The following MIS18A variants were observed in gnomAD, a reference collection of about 807,000 sequenced individuals.
MIS18A encodes protein Mis18-alpha.
MIS18A carries 14 observed loss-of-function variants against 25.0 expected under a neutral mutation model. The observed-to-expected ratio is 0.56, with a 90% CI of 0.37 to 0.88. The LOEUF (loss-of-function observed/expected upper bound fraction) is 0.88, where lower values mean the gene tolerates loss of function less well. Among genes scored for constraint, MIS18A ranks in the 40% least tolerant of loss-of-function variants. The probability of loss-of-function intolerance (pLI) is 0.00; values close to 1 mark genes in which losing one functional copy is unlikely to be tolerated. For missense variants in MIS18A, 292 were observed against 290.8 expected (o/e 1.00, Z -0.03); for synonymous variants, 134 against 118.6 (o/e 1.13, Z -0.84).
chr21:32,227,677 G>A, the MIS18A span, among the ~76,000 whole-genome samples: 2 of 152,158 alleles, frequency 1.3e-5, no homozygotes, highest in Admixed American at 6.5e-5. Context: ...AAAAATAGAA[G>A]AGGGAGAACG....
At chr21:32,217,613 T>C in the MIS18A span, among the ~76,000 whole-genome samples, 1 of 152,212 alleles carries the variant, frequency 6.6e-6, no homozygotes, top group African/African-American at 2.4e-5. Context: ...CACATCCAAC[T>C]AGCTCAACAA....
At chr21:32,176,002 C>T in the MIS18A span, among the ~76,000 whole-genome samples, 2 of 152,030 alleles carry the variant, frequency 1.3e-5, no homozygotes, top group Non-Finnish European at 2.9e-5. Flanking sequence ...CACAGTCTTC[C>T]GCCTCCACAT....
intron 4 of MIS18A, 116 bp downstream of exon 4, chr21:32,269,590 GC>G: frequency 1.6e-6 from 1 of 620,164 alleles, no homozygotes; most frequent in Middle Eastern, 4.5e-4. Flanking sequence ...AATGAAATAA[GC>G]ACACTCTTCC....
chr21:32,190,546 A>G, the MIS18A span, among the ~76,000 whole-genome samples: 1 of 152,124 alleles, frequency 6.6e-6, no homozygotes, highest in African/African-American at 2.4e-5. Flanking sequence ...ATAAGAACAC[A>G]TTTTTTAAAA....
rs377622439 is a variant in MIS18A, at chr21:32,268,940, CTTT to C, written c.*94_*96del. ...CGCATGCCTGGCTAATTTTTTTTTTCTTTTTTTTTTTGTAGAGACGACGTCTCA... is the reference window on the plus strand; with the variant it reads ...CGCATGCCTGGCTAATTTTTTTTTTCTTTTTTTTGTAGAGACGACGTCTCA... On this transcript the variant is annotated 3_prime_UTR_variant, in exon 5 of 5. Coordinates refer to ENST00000290130, the MANE Select transcript of MIS18A (RefSeq NM_018944.3). The C allele has an allele frequency of 3.6e-6, 2 of 552,362 alleles. No homozygotes were observed. Among genetic ancestry groups the C allele is most frequent in the Admixed American group, 3.8e-5 (1 of 26,210 alleles). The allele number at this position is 552,362 out of a possible 1,614,324, so 34.2% of individuals were successfully genotyped here. A position where few individuals can be genotyped will look rare whatever the true frequency, so the allele number is the denominator to read the frequency against.
At chr21:32,209,210 G>A in the MIS18A span, among the ~76,000 whole-genome samples, 7 of 151,628 alleles carry the variant, frequency 4.6e-5, no homozygotes. Flanking sequence ...CCTAGAAATA[G>A]ATGGAAACTG....
At chr21:32,180,444 C>G in the MIS18A span, among the ~76,000 whole-genome samples, 1 of 152,218 alleles carries the variant, frequency 6.6e-6, no homozygotes, top group African/African-American at 2.4e-5. Context: ...TTCCCTTCCC[C>G]ACCAAACCTC....
the MIS18A span, among the ~76,000 whole-genome samples, chr21:32,235,491 C>T: frequency 6.6e-6 from 1 of 152,192 alleles, no homozygotes; most frequent in Admixed American, 6.5e-5. Flanking sequence ...GCCTGAGGTT[C>T]TGCTTCAGGG....
chr21:32,277,246 T>C (rs560209844), intron 1 of MIS18A, among the ~76,000 whole-genome samples: 9 of 152,322 alleles, frequency 5.9e-5, no homozygotes, highest in African/African-American at 1.9e-4. Flanking sequence ...TTAAAAGCTA[T>C]TGTTATAAAA....
chr21:32,262,985 C>T, the MIS18A span, among the ~76,000 whole-genome samples: 2 of 152,140 alleles, frequency 1.3e-5, no homozygotes, highest in Admixed American at 6.6e-5. Context: ...TGCACTCGTG[C>T]CCTCGTGATT....
chr21:32,170,658 C>G, the MIS18A span, among the ~76,000 whole-genome samples: 1 of 151,868 alleles, frequency 6.6e-6, no homozygotes, highest in Non-Finnish European at 1.5e-5. Context: ...TCAAGCCTAC[C>G]AACATACACA....
the MIS18A span, among the ~76,000 whole-genome samples, chr21:32,174,196 C>T: frequency 0.02 from 3,032 of 152,008 alleles, 95 homozygotes; most frequent in African/African-American, 0.066. Context: ...ATCTCCTGAC[C>T]TCATGATCCG....
At chr21:32,211,499 C>T in the MIS18A span, among the ~76,000 whole-genome samples, 2 of 152,240 alleles carry the variant, frequency 1.3e-5, no homozygotes, top group Admixed American at 1.3e-4. Context: ...ACACCATCTC[C>T]TAATGATAGG....
the MIS18A span, among the ~76,000 whole-genome samples, chr21:32,175,984 C>T: frequency 2.6e-5 from 4 of 151,996 alleles, no homozygotes; most frequent in Non-Finnish European, 1.5e-5. Context: ...GAGTAGGATC[C>T]TTAATCCCAC....
the MIS18A span, among the ~76,000 whole-genome samples, chr21:32,222,724 G>T: frequency 1.3e-5 from 2 of 148,402 alleles, no homozygotes; most frequent in South Asian, 2.2e-4. Flanking sequence ...GAGGTCAGGA[G>T]ATCAAGACCA....
the MIS18A span, among the ~76,000 whole-genome samples, chr21:32,247,134 A>C: frequency 6.6e-6 from 1 of 152,194 alleles, no homozygotes; most frequent in Non-Finnish European, 1.5e-5. Context: ...AGAATCACTG[A>C]ATCATGGGAT....
At chr21:32,210,522 A>G in the MIS18A span, among the ~76,000 whole-genome samples, 1 of 152,204 alleles carries the variant, frequency 6.6e-6, no homozygotes, top group Non-Finnish European at 1.5e-5. Context: ...GGTGTGCATC[A>G]GATGGGATCA....
chr21:32,181,583 T>G, the MIS18A span, among the ~76,000 whole-genome samples: 1 of 152,110 alleles, frequency 6.6e-6, no homozygotes, highest in African/African-American at 2.4e-5. Context: ...CACTGACTCT[T>G]GAGCCAGGGA....
chr21:32,248,589 G>A, the MIS18A span, among the ~76,000 whole-genome samples: 1 of 152,310 alleles, frequency 6.6e-6, no homozygotes, highest in East Asian at 1.9e-4. Flanking sequence ...AACCAGTGTC[G>A]GGAATTCATT....
Sources: gnomAD v4.1 joint callset for allele counts (sites outside exome capture counted in the v4.1 genomes callset) on GRCh38, gnomAD v4.1.1 for gene constraint, MANE v1.5 for transcripts, NCBI Gene and HGNC (gene_info 2026-07-23, HGNC 2026-07-21) for gene names.